The following KCNMB2 variants were observed in gnomAD, a reference collection of about 807,000 sequenced individuals.
KCNMB2 encodes the protein potassium calcium-activated channel subfamily M regulatory beta subunit 2, also known as calcium-activated potassium channel subunit beta-2.
KCNMB2 carries 9 observed loss-of-function variants against 24.5 expected under a neutral mutation model. The observed-to-expected ratio is 0.37, with a 90% CI of 0.22 to 0.64. The LOEUF (loss-of-function observed/expected upper bound fraction) is 0.64, where lower values mean the gene tolerates loss of function less well. KCNMB2 is among the 30% of genes least tolerant of loss of function. KCNMB2 has a pLI of 0.63. For missense variants in KCNMB2, 226 were observed against 284.3 expected (o/e 0.79, Z 1.47); for synonymous variants, 109 against 104.4 (o/e 1.04, Z -0.27).
intron 1 of KCNMB2, among the ~76,000 whole-genome samples, chr3:178,717,168 G>C (rs574410407): frequency 6.4e-4 from 97 of 152,018 alleles, no homozygotes; most frequent in Admixed American, 5.5e-3. Flanking sequence ...AATAAAACTA[G>C]TGTATTTCTA....
At chr3:178,699,328 G>A (rs143395032) in intron 1 of KCNMB2, among the ~76,000 whole-genome samples, 2 of 152,374 alleles carry the variant, frequency 1.3e-5, no homozygotes, top group Non-Finnish European at 2.9e-5. Flanking sequence ...ATGGTGGTTA[G>A]TGAGTGAAGG....
intron 1 of KCNMB2, among the ~76,000 whole-genome samples, chr3:178,557,306 C>T (rs897527809): frequency 6.6e-6 from 1 of 152,084 alleles, no homozygotes; most frequent in African/African-American, 2.4e-5. Flanking sequence ...ATGACAAAGG[C>T]TCTCTTTTTC....
intron 1 of KCNMB2, among the ~76,000 whole-genome samples, chr3:178,624,390 G>C (rs1488765367): frequency 2.6e-5 from 4 of 151,848 alleles, no homozygotes; most frequent in Non-Finnish European, 5.9e-5. Context: ...TCTGTACTAA[G>C]ATGTCTATAC....
intron 1 of KCNMB2, among the ~76,000 whole-genome samples, chr3:178,700,624 C>T (rs955625084): frequency 7.2e-5 from 11 of 152,190 alleles, no homozygotes; most frequent in African/African-American, 2.7e-4. Flanking sequence ...TCTAAATATC[C>T]TCCCATGCCT....
At chr3:178,586,852 C>G (rs939830163) in intron 1 of KCNMB2, among the ~76,000 whole-genome samples, 14 of 151,954 alleles carry the variant, frequency 9.2e-5, no homozygotes, top group African/African-American at 3.4e-4. Flanking sequence ...GCCCAAAATG[C>G]CAATCTTTTC....
At chr3:178,759,966 A>C (rs550669810) in intron 1 of KCNMB2, among the ~76,000 whole-genome samples, 18 of 39,500 alleles carry the variant, frequency 4.6e-4, no homozygotes, top group East Asian at 3.0e-3. Flanking sequence ...GAGGATATAT[A>C]TATATATATA....
intron 1 of KCNMB2, among the ~76,000 whole-genome samples, chr3:178,735,459 G>C (rs546234037): frequency 2.0e-5 from 3 of 152,308 alleles, no homozygotes; most frequent in African/African-American, 7.2e-5. Context: ...CTTAGTATGC[G>C]AGCCAACGCA....
intron 1 of KCNMB2, among the ~76,000 whole-genome samples, chr3:178,745,642 C>T (rs1577144293): frequency 6.6e-6 from 1 of 152,182 alleles, no homozygotes. Context: ...AAAGGCAAGT[C>T]CCTTAGGCCT....
chr3:178,619,873 C>A (rs1162218096), intron 1 of KCNMB2, among the ~76,000 whole-genome samples: 2 of 152,166 alleles, frequency 1.3e-5, no homozygotes, highest in Non-Finnish European at 2.9e-5. Flanking sequence ...CATATAAGAG[C>A]TTCCTCATTC....
intron 2 of KCNMB2, among the ~76,000 whole-genome samples, chr3:178,812,193 ACTTT>A (rs1376615565): frequency 6.6e-6 from 1 of 151,796 alleles, no homozygotes; most frequent in Non-Finnish European, 1.5e-5. Context: ...TTGGCTTTTC[ACTTT>A]CTTTTTCATG....
intron 1 of KCNMB2, among the ~76,000 whole-genome samples, chr3:178,584,411 C>A (rs1717344315): frequency 6.6e-6 from 1 of 152,126 alleles, no homozygotes; most frequent in South Asian, 2.1e-4. Flanking sequence ...CAGTCTCCCG[C>A]AGGTGCTGTC....
chr3:178,828,925 C>CTGTGAGTGTGTGTG (rs1179869572), intron 4 of KCNMB2, among the ~76,000 whole-genome samples: 5 of 142,756 alleles, frequency 3.5e-5, no homozygotes, highest in African/African-American at 1.3e-4. Flanking sequence ...CCCATGGTCA[C>CTGTGAGTGTGTGTG]TGTGTGTGTG....
At chr3:178,795,386 T>G (rs1220738819) in intron 1 of KCNMB2, among the ~76,000 whole-genome samples, 1 of 152,284 alleles carries the variant, frequency 6.6e-6, no homozygotes, top group African/African-American at 2.4e-5. Flanking sequence ...GGTCCCCAAG[T>G]GCTTACATCA....
At chr3:178,709,213 A>G (rs1366763839) in intron 1 of KCNMB2, among the ~76,000 whole-genome samples, 1 of 152,162 alleles carries the variant, frequency 6.6e-6, no homozygotes, top group Non-Finnish European at 1.5e-5. Context: ...AAATTCAAAC[A>G]GGAGGATTAA....
At chr3:178,715,167 C>A (rs147981790) in intron 1 of KCNMB2, among the ~76,000 whole-genome samples, 62 of 152,212 alleles carry the variant, frequency 4.1e-4, no homozygotes, top group African/African-American at 1.4e-3. Flanking sequence ...CTTTGGTAAG[C>A]AATGTGGGCT....
At chr3:178,643,190 C>G (rs1600052) in intron 1 of KCNMB2, among the ~76,000 whole-genome samples, 54,329 of 152,004 alleles carry the variant, frequency 0.36, 10,256 homozygotes, top group African/African-American at 0.48. Flanking sequence ...ATTTATGGAA[C>G]ATTCATGAAA....
At chr3:178,650,131 G>A (rs906824471) in intron 1 of KCNMB2, among the ~76,000 whole-genome samples, 2 of 152,100 alleles carry the variant, frequency 1.3e-5, no homozygotes, top group African/African-American at 4.8e-5. Context: ...AGCTTGTTCA[G>A]TTTCCATGTA....
chr3:178,747,651 G>T (rs1723714125), intron 1 of KCNMB2, among the ~76,000 whole-genome samples: 1 of 152,146 alleles, frequency 6.6e-6, no homozygotes, highest in African/African-American at 2.4e-5. Context: ...TGGTCTCAAT[G>T]ACTATGCTAA....
intron 2 of KCNMB2, among the ~76,000 whole-genome samples, chr3:178,817,129 G>T (rs1466639193): frequency 6.7e-6 from 1 of 150,304 alleles, no homozygotes; most frequent in Non-Finnish European, 1.5e-5. Context: ...GGGTCACAGT[G>T]TTACAAGACT....
Sources: allele counts gnomAD v4.1 joint callset (sites outside exome capture counted in the v4.1 genomes callset), GRCh38; gene constraint gnomAD v4.1.1; transcripts MANE v1.5; gene names NCBI Gene and HGNC (gene_info 2026-07-23, HGNC 2026-07-21).